Variants in SLC30A6 observed in about 807,000 individuals in gnomAD.
The protein encoded by SLC30A6 is solute carrier family 30 member 6, also known as zinc transporter 6.
In SLC30A6, 55 loss-of-function variants were observed where a neutral mutation model predicts 63.0. The ratio of observed to expected loss-of-function variants is 0.87; its 90% CI spans 0.70 to 1.09. SLC30A6 has a LOEUF of 1.09. Among genes scored for constraint, SLC30A6 ranks in the 50% least tolerant of loss-of-function variants. SLC30A6 has a pLI of 0.00. For missense variants in SLC30A6, 587 were observed against 549.2 expected (o/e 1.07, Z -0.69); for synonymous variants, 224 against 186.1 (o/e 1.20, Z -1.66).
intron 5 of SLC30A6, among the ~76,000 whole-genome samples, chr2:32,186,982 C>CTAG (rs1285644646): frequency 7.6e-6 from 1 of 132,346 alleles, no homozygotes; most frequent in Non-Finnish European, 1.5e-5. Context: ...GGAGACAGAG[C>CTAG]TAGACGCTGT....
chr2:32,172,406 A>C (rs1047060213), intron 2 of SLC30A6, among the ~76,000 whole-genome samples: 2 of 151,584 alleles, frequency 1.3e-5, no homozygotes, highest in African/African-American at 4.8e-5. Context: ...TTGAGATGGA[A>C]TCTTGCTAAA....
intron 13 of SLC30A6, among the ~76,000 whole-genome samples, chr2:32,217,921 G>A (rs997624767): frequency 6.6e-6 from 1 of 150,718 alleles, no homozygotes; most frequent in Non-Finnish European, 1.5e-5. Flanking sequence ...CTGCAGCCTC[G>A]ACCTCTAAGG....
chr2:32,170,463 C>G (rs1021419856), intron 1 of SLC30A6, among the ~76,000 whole-genome samples: 3 of 152,210 alleles, frequency 2.0e-5, no homozygotes, highest in South Asian at 2.1e-4. Context: ...GGTCTCCTCT[C>G]TCATTGGTGA....
At chr2:32,178,460 G>C (rs927599176) in intron 4 of SLC30A6, among the ~76,000 whole-genome samples, 8 of 152,078 alleles carry the variant, frequency 5.3e-5, no homozygotes, top group African/African-American at 1.7e-4. Context: ...GACCACCTGA[G>C]GTCAAGAGTT....
At chr2:32,202,993 C>T in intron 10 of SLC30A6, 2 of 1,148,172 alleles carry the variant, frequency 1.7e-6, no homozygotes, top group South Asian at 1.2e-5. Context: ...TTCTGTGAGA[C>T]CCAGAGGAGT....
At chr2:32,184,378 A>G (rs1682619032) in intron 5 of SLC30A6, 40 bp downstream of exon 5, 2 of 1,178,676 alleles carry the variant, frequency 1.7e-6, no homozygotes, top group African/African-American at 3.1e-5. Context: ...ACTTATGACT[A>G]CTAAAATATT....
rs1249473661 is a variant in SLC30A6 at position 32,221,444 on chromosome 2, C to G, written c.*731C>G. The G allele has an allele frequency of 1.3e-5, 2 of 152,128 alleles. No individual in the cohort carries two copies. Among genetic ancestry groups the G allele is most frequent in the Non-Finnish European group, 2.9e-5 (2 of 68,026 alleles). The allele number at this position is 152,128 out of a possible 1,614,324, so 9.4% of individuals were successfully genotyped here. On this transcript the variant is annotated 3_prime_UTR_variant, in exon 14 of 14. Coordinates refer to ENST00000282587, the MANE Select transcript of SLC30A6 (RefSeq NM_017964.5). ...CAAAGTGCTGGGATTAGGTGTGAGCCACCGCACCTGGCCGATATTTTCTTT... is the reference window on the plus strand; with the variant it reads ...CAAAGTGCTGGGATTAGGTGTGAGCGACCGCACCTGGCCGATATTTTCTTT...
At chr2:32,198,389 A>G (rs896345576) in intron 10 of SLC30A6, among the ~76,000 whole-genome samples, 1 of 152,224 alleles carries the variant, frequency 6.6e-6, no homozygotes, top group Admixed American at 6.6e-5. Context: ...TTTCTAGCCC[A>G]CATCTCTATT....
chr2:32,185,766 C>G (rs921978463), intron 5 of SLC30A6, among the ~76,000 whole-genome samples: 2 of 152,128 alleles, frequency 1.3e-5, no homozygotes, highest in African/African-American at 4.8e-5. Flanking sequence ...GTCACCCAGG[C>G]TGGAGTGCAG....
At chr2:32,220,143 G>A in intron 13 of SLC30A6, 70 bp from the exon 14 acceptor site, 2 of 1,485,246 alleles carry the variant, frequency 1.3e-6, no homozygotes, top group Admixed American at 2.2e-5. Context: ...TAAATAAAAT[G>A]TTTTATCTAA....
intron 1 of SLC30A6, 38 bp downstream of exon 1, chr2:32,165,941 T>C (rs1558357849): frequency 3.1e-6 from 5 of 1,614,154 alleles, no homozygotes; most frequent in Non-Finnish European, 3.4e-6. Context: ...CGGCTGTAGC[T>C]GATTCGGTTT....
chr2:32,220,234 A>C lies in SLC30A6; in HGVS notation c.907A>C (p.Ile303Leu). Residue 303 changes from isoleucine to leucine, a missense_variant, in exon 14 of 14, where the codon ATT (isoleucine) becomes CTT (leucine). Physicochemically the swap from Ile to Leu is conservative, Grantham distance 5. Transcript: ENST00000282587. ...GSLAGSVHVR[I>L]RRDANEQMVL... ...TTAGGCTGGATCAGTGCATGTAAGAATTCGACGAGATGCCAATGAACAAAT... is the reference window on the plus strand; with the variant it reads ...TTAGGCTGGATCAGTGCATGTAAGACTTCGACGAGATGCCAATGAACAAAT... 1.2e-6 allele frequency: 2 copies of C among 1,613,928 alleles called. No homozygotes were observed. Among genetic ancestry groups the C allele is most frequent in the Non-Finnish European group, 1.7e-6 (2 of 1,179,812 alleles).
intron 13 of SLC30A6, among the ~76,000 whole-genome samples, chr2:32,213,379 T>C (rs1685423236): frequency 6.6e-6 from 1 of 151,190 alleles, no homozygotes; most frequent in African/African-American, 2.4e-5. Context: ...TTCCAGCCCT[T>C]ATTGCAGACC....
intron 13 of SLC30A6, among the ~76,000 whole-genome samples, chr2:32,211,055 T>G (rs1211227156): frequency 2.6e-5 from 4 of 152,200 alleles, no homozygotes; most frequent in Non-Finnish European, 4.4e-5. Flanking sequence ...GCTTTTAAGC[T>G]AATTTTCTCG....
At chr2:32,191,671 T>C (rs1043697588) in intron 5 of SLC30A6, among the ~76,000 whole-genome samples, 15 of 152,194 alleles carry the variant, frequency 9.9e-5, no homozygotes, top group African/African-American at 3.6e-4. Context: ...CTACTTGCTA[T>C]CTATATGACT....
At chr2:32,198,285 C>G (rs1363589200) in intron 10 of SLC30A6, among the ~76,000 whole-genome samples, 1 of 152,090 alleles carries the variant, frequency 6.6e-6, no homozygotes, top group Non-Finnish European at 1.5e-5. Context: ...TAGAATTTGT[C>G]CTTATTGTTC....
intron 13 of SLC30A6, among the ~76,000 whole-genome samples, chr2:32,217,220 T>C (rs1359339443): frequency 1.3e-5 from 2 of 152,184 alleles, no homozygotes; most frequent in East Asian, 3.9e-4. Context: ...TTTAAATCTT[T>C]AATCCATCTT....
rs767073182 is a variant in SLC30A6, at chr2:32,213,796, C to CTTTTTT, written c.885+4244_885+4249dup. 1.3e-3 allele frequency among the ~76,000 whole-genome samples: 144 copies of CTTTTTT among 106,738 alleles called. 11 individuals are homozygous for CTTTTTT. Among genetic ancestry groups the CTTTTTT allele is most frequent in the Non-Finnish European group, 1.5e-3 (86 of 56,780 alleles). 70.0% of individuals were successfully genotyped at this position (106,738 alleles called of 152,430 possible). A position where few individuals can be genotyped will look rare whatever the true frequency, so the allele number is the denominator to read the frequency against. Reference sequence around the variant, plus strand: ...CCTATATTAACAGGTCTAGGATAAACTTTTTTTTTTTTTTGTTTTTGTTTT... The same window carrying CTTTTTT: ...CCTATATTAACAGGTCTAGGATAAACTTTTTTTTTTTTTTTTTTTTGTTTTTGTTTT... On this transcript the variant is annotated intron_variant, in intron 13 of 13. Transcript: ENST00000282587.
rs776166749 is a variant in SLC30A6, at chr2:32,193,972, A to G, written c.485A>G (p.Tyr162Cys). The G allele has an allele frequency of 9.9e-6, 16 of 1,612,108 alleles. No individual in the cohort carries two copies. The highest frequency in any genetic ancestry group is 1.7e-5 in the Admixed American group (1 of 59,850). The change falls in exon 8 of 14, where the codon TAT (tyrosine) becomes TGT (cysteine). Residue 162 changes from tyrosine (Y) to cysteine (C), a missense_variant. Transcript: ENST00000282587. Reference sequence around the variant, plus strand: ...TCTATTCGGAATAAACCTTTTGCTTATGTCTCAGAAGGTATGTTTTTTATT... The same window carrying G: ...TCTATTCGGAATAAACCTTTTGCTTGTGTCTCAGAAGGTATGTTTTTTATT... ...MLSIRNKPFAYVSEAASTSWL... is the reference protein window; with the variant it reads ...MLSIRNKPFACVSEAASTSWL...
Sources: allele counts gnomAD v4.1 joint callset (sites outside exome capture counted in the v4.1 genomes callset), GRCh38; gene constraint gnomAD v4.1.1; transcripts MANE v1.5; gene names NCBI Gene and HGNC (gene_info 2026-07-23, HGNC 2026-07-21).